Variants in WNT2B observed in about 807,000 individuals in gnomAD.
WNT2B encodes protein Wnt-2b.
A neutral mutation model predicts 40.5 loss-of-function variants in WNT2B; 19 were observed. The ratio of observed to expected loss-of-function variants is 0.47; its 90% CI spans 0.33 to 0.69. The LOEUF is 0.69. WNT2B is among the 30% of genes least tolerant of loss of function. The pLI is 0.02. For missense variants in WNT2B, 467 were observed against 556.4 expected, an observed-to-expected ratio of 0.84 and a Z score of 1.62; for synonymous variants, 220 against 211.9, an observed-to-expected ratio of 1.04 and a Z score of -0.33.
At chr1:112,511,541 C>G (rs1029934528) in intron 1 of WNT2B, among the ~76,000 whole-genome samples, 10 of 152,202 alleles carry the variant, frequency 6.6e-5, no homozygotes, top group Non-Finnish European at 1.2e-4. Context: ...TCTGGTGTGT[C>G]CATGTTCCAC....
At position 112,515,142 on chromosome 1, in the gene WNT2B, G is replaced by T. The variant is rs1652482131; in HGVS notation, c.403+48G>T. ...GTCAGCTCCTTCCCTTTCTGTGCTG[G>T]GGGTGGTGAGTGGGAAGAGTAGGCA... On this transcript the variant is annotated intron_variant, in intron 2 of 4. Transcript: ENST00000369684. This position sits in a 1 kb window ranked among gnomAD's most constrained non-coding sequence, Gnocchi z 4.4. The T allele has an allele frequency of 6.3e-7, 1 of 1,585,776 alleles. No individual in the cohort carries two copies. The highest frequency in any genetic ancestry group is 2.3e-5 in the East Asian group (1 of 43,392).
intron 1 of WNT2B, among the ~76,000 whole-genome samples, chr1:112,469,327 G>T (rs1180689871): frequency 6.6e-6 from 1 of 151,960 alleles, no homozygotes; most frequent in Non-Finnish European, 1.5e-5. Context: ...GCTCTTTTTT[G>T]GTTCCATACA....
At chr1:112,519,872 C>CTTTTTTT (rs71081244) in intron 4 of WNT2B, among the ~76,000 whole-genome samples, 3 of 115,650 alleles carry the variant, frequency 2.6e-5, no homozygotes, top group Non-Finnish European at 5.3e-5. Context: ...GCCCATGCTT[C>CTTTTTTT]TTTTTTTTTT....
At chr1:112,484,636 T>G in intron 1 of WNT2B, among the ~76,000 whole-genome samples, 1 of 151,692 alleles carries the variant, frequency 6.6e-6, no homozygotes, top group Admixed American at 6.6e-5. Flanking sequence ...ATGCCTGGCA[T>G]GTGCCTGTAG....
intron 1 of WNT2B, among the ~76,000 whole-genome samples, chr1:112,514,086 T>G (rs1342037394): frequency 6.6e-6 from 1 of 152,202 alleles, no homozygotes; most frequent in Non-Finnish European, 1.5e-5. Flanking sequence ...TTCTTTTAAT[T>G]GTTCATATTG....
At chr1:112,510,404 A>G (rs1409157159) in intron 1 of WNT2B, among the ~76,000 whole-genome samples, 1 of 151,806 alleles carries the variant, frequency 6.6e-6, no homozygotes, top group Non-Finnish European at 1.5e-5. Context: ...TCACCCCACA[A>G]TCAAACTGGC....
intron 1 of WNT2B, among the ~76,000 whole-genome samples, chr1:112,514,495 A>C (rs1281341821): frequency 6.6e-6 from 1 of 152,108 alleles, no homozygotes; most frequent in Non-Finnish European, 1.5e-5. Flanking sequence ...TCAGACCCTT[A>C]TTTTGTTAGT....
intron 1 of WNT2B, among the ~76,000 whole-genome samples, chr1:112,478,252 TAA>T (rs1357158787): frequency 6.8e-6 from 1 of 146,590 alleles, no homozygotes; most frequent in African/African-American, 2.5e-5. Context: ...AGAGAGAAAA[TAA>T]AAAAGAAAAA....
At chr1:112,492,899 T>A (rs1042953607) in intron 1 of WNT2B, among the ~76,000 whole-genome samples, 2 of 152,236 alleles carry the variant, frequency 1.3e-5, no homozygotes, top group Non-Finnish European at 2.9e-5. Flanking sequence ...AACTATAGAA[T>A]GCTTCCTCAC....
chr1:112,499,928 T>A (rs1161540064), intron 1 of WNT2B, among the ~76,000 whole-genome samples: 1 of 152,150 alleles, frequency 6.6e-6, no homozygotes, highest in Non-Finnish European at 1.5e-5. Context: ...GGGAGTACAG[T>A]GTCTTGATCA....
chr1:112,470,882 C>T (rs537545215), intron 1 of WNT2B, among the ~76,000 whole-genome samples: 39 of 130,676 alleles, frequency 3.0e-4, no homozygotes, highest in African/African-American at 1.2e-3. Context: ...GGGGCAAGGT[C>T]GCTCTCACAG....
chr1:112,511,302 A>G (rs1652340941), intron 1 of WNT2B, among the ~76,000 whole-genome samples: 1 of 152,156 alleles, frequency 6.6e-6, no homozygotes, highest in South Asian at 2.1e-4. Context: ...AAAAGGAGGA[A>G]GGCTGCAACA....
rs979791710 is a variant in WNT2B, at chr1:112,524,610, G to A, written c.*4101G>A. On this transcript the variant is annotated 3_prime_UTR_variant, in exon 5 of 5. Transcript: ENST00000369684. ...CACCTGGTTATTGATGGCCTTGGTG[G>A]AGGCCTCTGCCCCGACCCTCCACTT... is the stretch of plus-strand genomic sequence containing the variant. 2 of 152,614 alleles carry A rather than the reference G, an allele frequency of 1.3e-5. No individual in the cohort carries two copies. Among genetic ancestry groups the A allele is most frequent in the South Asian group, 4.2e-4 (2 of 4,818 alleles). The allele number at this position is 152,614 out of a possible 1,614,324, so 9.5% of individuals were successfully genotyped here. A position where few individuals can be genotyped will look rare whatever the true frequency, so the allele number is the denominator to read the frequency against.
intron 1 of WNT2B, among the ~76,000 whole-genome samples, chr1:112,476,726 G>A (rs1169218701): frequency 6.6e-6 from 1 of 152,128 alleles, no homozygotes; most frequent in Non-Finnish European, 1.5e-5. Context: ...GAGGACCCCT[G>A]CAGTTTCCAC....
intron 1 of WNT2B, among the ~76,000 whole-genome samples, chr1:112,475,711 C>T (rs147152137): frequency 1.9e-3 from 291 of 151,588 alleles, no homozygotes; most frequent in Middle Eastern, 0.01. Flanking sequence ...ACTAATAAGG[C>T]AACAAAGAAG....
Position 112,514,433 on chromosome 1 carries a change from G to A in WNT2B, c.183-441G>A, listed in dbSNP as rs766056905. The stretch of plus-strand genomic sequence containing the variant: ...CCCCCTGCTGTCAAACCATATCTTC[G>A]TGGACCAGCCATGCGGGACATCCCT... On this transcript the variant is annotated intron_variant, in intron 1 of 4. Coordinates refer to ENST00000369684, the MANE Select transcript of WNT2B (RefSeq NM_024494.3). Among the ~76,000 whole-genome samples the A allele has an allele frequency of 1.1e-4, 17 of 152,166 alleles. 1 individual carries two copies. Among genetic ancestry groups the A allele is most frequent in the Non-Finnish European group, 2.2e-4 (15 of 68,032 alleles).
rs1314920760 is a variant in WNT2B, at chr1:112,509,273, C to T, written c.11C>T (p.Pro4Leu). 2 of 1,532,078 alleles carry T rather than the reference C, an allele frequency of 1.3e-6. No homozygotes were observed. Among genetic ancestry groups the T allele is most frequent in the South Asian group, 1.2e-5 (1 of 83,696 alleles). 94.9% of individuals were successfully genotyped at this position (1,532,078 alleles called of 1,614,324 possible). A position where few individuals can be genotyped will look rare whatever the true frequency, so the allele number is the denominator to read the frequency against. MLRPGGAEEAAQLP... is the reference protein window; with the variant it reads MLRLGGAEEAAQLP... ...AGTCTTCGGGGAGCTATGCTGAGAC[C>T]GGGTGGTGCGGAGGAAGCTGCGCAG... The change falls in exon 1 of 5, where the codon CCG becomes CTG. Residue 4 changes from proline (P) to leucine (L), a missense_variant. Physicochemically the swap from Pro to Leu is moderately conservative, Grantham distance 98 (BLOSUM62 -3). Coordinates refer to ENST00000369684, the MANE Select transcript of WNT2B (RefSeq NM_024494.3). The surrounding 1 kb of genome is among the most constrained non-coding windows in gnomAD (Gnocchi z 4.2).
chr1:112,490,711 G>C (rs367788286), intron 1 of WNT2B, among the ~76,000 whole-genome samples: 6 of 152,126 alleles, frequency 3.9e-5, no homozygotes, highest in Admixed American at 2.6e-4. Context: ...GGATGGTCTC[G>C]ATCTCCTGAC....
chr1:112,502,104 C>T (rs1043310612), intron 1 of WNT2B, among the ~76,000 whole-genome samples: 1 of 152,224 alleles, frequency 6.6e-6, no homozygotes, highest in Non-Finnish European at 1.5e-5. Flanking sequence ...CAGGCCTGGC[C>T]TGAGCGGTCT....
Sources: gnomAD v4.1 joint callset for allele counts (sites outside exome capture counted in the v4.1 genomes callset) on GRCh38, gnomAD v4.1.1 for gene constraint, Gnocchi (gnomAD v3.1) non-coding constraint, MANE v1.5 for transcripts, NCBI Gene and HGNC (gene_info 2026-07-23, HGNC 2026-07-21) for gene names.